BRD3: variants seen among roughly 807,000 people sequenced by gnomAD.
The protein encoded by BRD3 is bromodomain containing 3.
A neutral mutation model predicts 66.8 loss-of-function variants in BRD3; 17 were observed. That is an observed-to-expected ratio of 0.25 (90% CI 0.17 to 0.38). The LOEUF (loss-of-function observed/expected upper bound fraction) is 0.38, where lower values mean the gene tolerates loss of function less well. BRD3 is among the 10% of genes least tolerant of loss of function. BRD3 has a pLI of 1.00. For missense variants in BRD3, 713 were observed against 956.1 expected (o/e 0.75, Z 3.35); for synonymous variants, 421 against 393.2 (o/e 1.07, Z -0.84).
At chr9:134,035,216 G>A (rs147240831) in intron 10 of BRD3, among the ~76,000 whole-genome samples, 1 of 152,302 alleles carries the variant, frequency 6.6e-6, no homozygotes, top group African/African-American at 2.4e-5. Context: ...CCATCTGCCC[G>A]AGCAGGAGGC....
At chr9:134,066,292 T>G (rs1423733996) in intron 1 of BRD3, among the ~76,000 whole-genome samples, 1 of 152,238 alleles carries the variant, frequency 6.6e-6, no homozygotes, top group Non-Finnish European at 1.5e-5. Context: ...GTGCCTTATC[T>G]TTCATGATCA....
At chr9:134,036,447 T>G in intron 9 of BRD3, 123 bp from the exon 10 acceptor site, 1 of 1,578,334 alleles carries the variant, frequency 6.3e-7, no homozygotes, top group South Asian at 1.2e-5. Flanking sequence ...CTTCCCAAAG[T>G]GGTGCCCCAA....
intron 9 of BRD3, among the ~76,000 whole-genome samples, chr9:134,036,748 C>A (rs1484316924): frequency 6.6e-6 from 1 of 152,208 alleles, no homozygotes; most frequent in Non-Finnish European, 1.5e-5. Flanking sequence ...GTGGCTCACG[C>A]CTGTAATCCC....
intron 1 of BRD3, among the ~76,000 whole-genome samples, chr9:134,063,828 A>G (rs1430212462): frequency 1.3e-5 from 2 of 152,112 alleles, no homozygotes; most frequent in South Asian, 2.1e-4. Context: ...ATCAAGCCAC[A>G]CTCAGAAAGA....
intron 9 of BRD3, 86 bp downstream of exon 9, chr9:134,039,948 C>G: frequency 6.7e-7 from 1 of 1,497,674 alleles, no homozygotes; most frequent in Non-Finnish European, 8.8e-7. Flanking sequence ...AGGCACAAAG[C>G]CCCCAATCCC....
At chr9:134,036,371 G>A in intron 9 of BRD3, 47 bp from the exon 10 acceptor site, 4 of 1,568,118 alleles carry the variant, frequency 2.6e-6, no homozygotes. Flanking sequence ...CCGTCTACCT[G>A]CCGTGGGAGC....
In BRD3 at chr9:134,045,392, G is replaced by A. The variant is rs201205037; in HGVS notation, c.1116C>T (p.Asp372=). 2.0e-5 allele frequency: 32 copies of A among 1,613,520 alleles called. No homozygotes were observed. The highest frequency in any genetic ancestry group is 1.0e-4 in the Admixed American group (6 of 59,996). The change falls in exon 7 of 12, where the codon GAC becomes GAT. Residue 372 remains aspartate (D), a synonymous_variant. Coordinates refer to ENST00000303407, the MANE Select transcript of BRD3 (RefSeq NM_007371.4). The surrounding 1 kb of genome is among the most constrained non-coding windows in gnomAD (Gnocchi z 4.8). ...GGACATCAGCAGCAAAGCCCTGTGC[G>A]TCTGGGTACTCTCGGCCATCCATCT... ...KRKMDGREYP[D]AQGFAADVRL... is the part of the protein sequence containing the mutation.
At chr9:134,053,196 G>GGGCAGCAGGAGGGGGACAGAGGAC (rs1830339552) in intron 2 of BRD3, 69 bp downstream of exon 2, 1 of 1,536,970 alleles carries the variant, frequency 6.5e-7, no homozygotes, top group East Asian at 2.2e-5. Context: ...TCCAGGATGG[G>GGGCAGCAGGAGGGGGACAGAGGAC]GGCAGCAGGA....
At chr9:134,065,415 C>T (rs1410774332) in intron 1 of BRD3, among the ~76,000 whole-genome samples, 1 of 147,952 alleles carries the variant, frequency 6.8e-6, no homozygotes, top group East Asian at 2.0e-4. Context: ...CAATGCGAGA[C>T]TCCATCTCAA....
At chr9:134,042,967 G>A (rs1830092538) in intron 7 of BRD3, among the ~76,000 whole-genome samples, 2 of 152,202 alleles carry the variant, frequency 1.3e-5, no homozygotes, top group South Asian at 2.1e-4. Flanking sequence ...AGCCTCCTGA[G>A]TAGCTGGGAT....
intron 2 of BRD3, among the ~76,000 whole-genome samples, chr9:134,052,902 C>T (rs569637793): frequency 2.4e-4 from 36 of 152,364 alleles, no homozygotes; most frequent in African/African-American, 7.9e-4. Flanking sequence ...AACATACACT[C>T]GGCCTCTAAC....
At chr9:134,057,578 G>A (rs2810489) in intron 1 of BRD3, 35,368 of 152,214 alleles carry the variant, frequency 0.23, 5,549 homozygotes, top group East Asian at 0.61. Context: ...AATTGCGCAC[G>A]TGTACGGACG....
At chr9:134,047,665 C>T (rs1460976642) in intron 6 of BRD3, among the ~76,000 whole-genome samples, 1 of 152,184 alleles carries the variant, frequency 6.6e-6, no homozygotes, top group African/African-American at 2.4e-5. Flanking sequence ...GAAGCCAGGC[C>T]ATCCCCACTG....
At position 134,030,551 on chromosome 9, in the gene BRD3, C is replaced by T. The variant is rs1843497055; in HGVS notation, c.*3039G>A. The T allele has an allele frequency of 4.7e-6, 1 of 213,742 alleles. No homozygotes were observed. The highest frequency in any genetic ancestry group is 2.3e-5 in the African/African-American group (1 of 44,300). The allele number at this position is 213,742 out of a possible 1,614,324, so 13.2% of individuals were successfully genotyped here. ...AGAAAAGTTACGGTAAACTTGCATG[C>T]ACATCATACAGAAAAGTAACATTTT... is the stretch of plus-strand genomic sequence containing the variant. On this transcript the variant is annotated 3_prime_UTR_variant, in exon 12 of 12. Coordinates refer to ENST00000303407, the MANE Select transcript of BRD3 (RefSeq NM_007371.4).
intron 2 of BRD3, among the ~76,000 whole-genome samples, chr9:134,052,745 A>C (rs1426206708): frequency 6.6e-6 from 1 of 152,226 alleles, no homozygotes; most frequent in African/African-American, 2.4e-5. Flanking sequence ...CCAAACCTGC[A>C]GGTGACCAGG....
At chr9:134,043,168 G>A (rs1473982695) in intron 7 of BRD3, among the ~76,000 whole-genome samples, 3 of 152,164 alleles carry the variant, frequency 2.0e-5, no homozygotes, top group Non-Finnish European at 4.4e-5. Flanking sequence ...ACAGGGTCCT[G>A]CTCTGTTGCC....
chr9:134,061,807 C>A (rs1368653909), intron 1 of BRD3, among the ~76,000 whole-genome samples: 1 of 152,240 alleles, frequency 6.6e-6, no homozygotes, highest in East Asian at 1.9e-4. Context: ...TCACCGCCAA[C>A]ACCCCACAGC....
Position 134,034,845 on chromosome 9 carries a change from T to C in BRD3, c.1937-16A>G, listed in dbSNP as rs748601732. ...CCGCTTGCTGCTGTCGGGGAACAAATGGGCACTCAGACTGCAGAGCAGACC... is the reference window on the plus strand; with the variant it reads ...CCGCTTGCTGCTGTCGGGGAACAAACGGGCACTCAGACTGCAGAGCAGACC... On this transcript the variant is annotated splice_polypyrimidine_tract_variant and intron_variant, in intron 10 of 11. Coordinates refer to ENST00000303407, the MANE Select transcript of BRD3 (RefSeq NM_007371.4). 2.5e-6 allele frequency: 4 copies of C among 1,610,432 alleles called. No homozygotes were observed. The highest frequency in any genetic ancestry group is 2.2e-5 in the East Asian group (1 of 44,874).
At chr9:134,054,914 G>C (rs1051282977) in intron 1 of BRD3, among the ~76,000 whole-genome samples, 2 of 152,082 alleles carry the variant, frequency 1.3e-5, no homozygotes, top group African/African-American at 2.4e-5. Flanking sequence ...CAAACTACAC[G>C]CAACACAGCT....
Sources: gnomAD v4.1 joint callset for allele counts (sites outside exome capture counted in the v4.1 genomes callset) on GRCh38, gnomAD v4.1.1 for gene constraint, Gnocchi (gnomAD v3.1) non-coding constraint, MANE v1.5 for transcripts, NCBI Gene and HGNC (gene_info 2026-07-23, HGNC 2026-07-21) for gene names.